LINGO2: variants seen among roughly 807,000 people sequenced by gnomAD.
LINGO2 encodes the protein leucine-rich repeat and immunoglobulin-like domain-containing nogo receptor-interacting protein 2.
Under a neutral mutation model 30.6 loss-of-function variants are expected in LINGO2, and 14 were observed. That is an observed-to-expected ratio of 0.46 (90% CI 0.30 to 0.72). LINGO2 has a LOEUF of 0.72. Ranked by LOEUF, LINGO2 falls within the 30% of genes least tolerant of loss-of-function variation. The pLI is 0.07. For synonymous variants in LINGO2, 317 were observed against 288.5 expected, an observed-to-expected ratio of 1.10 and a Z score of -1.00; for missense variants, 729 against 751.7, an observed-to-expected ratio of 0.97 and a Z score of 0.35.
the LINGO2 span, among the ~76,000 whole-genome samples, chr9:28,868,045 A>G: frequency 6.6e-6 from 1 of 152,130 alleles, no homozygotes; most frequent in African/African-American, 2.4e-5. Flanking sequence ...ATTTATACAA[A>G]AATAGATAAT....
chr9:28,748,406 T>C, the LINGO2 span, among the ~76,000 whole-genome samples: 44 of 130,292 alleles, frequency 3.4e-4, 1 homozygote, highest in South Asian at 0.011. Context: ...TCTAACAACT[T>C]CTTAAAAAAG....
intron 1 of LINGO2, among the ~76,000 whole-genome samples, chr9:28,558,465 A>G (rs922945047): frequency 5.9e-5 from 9 of 152,048 alleles, no homozygotes; most frequent in Admixed American, 5.3e-4. Context: ...CCTCCAGGCC[A>G]GAGAACCTGT....
the LINGO2 span, among the ~76,000 whole-genome samples, chr9:29,129,916 C>A: frequency 6.6e-6 from 1 of 151,940 alleles, no homozygotes; most frequent in Non-Finnish European, 1.5e-5. Context: ...GTCAGAAAGT[C>A]CAAGCATGTT....
the LINGO2 span, among the ~76,000 whole-genome samples, chr9:29,065,416 G>A: frequency 1.3e-5 from 2 of 152,040 alleles, no homozygotes; most frequent in East Asian, 3.9e-4. Context: ...TTACATTTAA[G>A]TCTTTAAACC....
At chr9:28,863,305 G>C in the LINGO2 span, among the ~76,000 whole-genome samples, 1 of 151,800 alleles carries the variant, frequency 6.6e-6, no homozygotes, top group Non-Finnish European at 1.5e-5. Context: ...GGATTTAAGG[G>C]GCTGATTCAA....
rs751607337 is a variant in LINGO2 at position 28,275,003 on chromosome 9, A to C, written c.-87+20205T>G. 2.6e-5 allele frequency among the ~76,000 whole-genome samples: 4 copies of C among 151,944 alleles called. 1 individual carries two copies. Among genetic ancestry groups the C allele is most frequent in the Non-Finnish European group, 5.9e-5 (4 of 67,994 alleles). ...ATTTCCTGTCAGTATGAGTATCTTC[A>C]CCTCCGTCTTAAGTCATGTCTGTTT... On this transcript the variant is annotated intron_variant, in intron 4 of 5. Transcript: ENST00000379992.
At chr9:28,090,565 C>G (rs1826050006) in intron 4 of LINGO2, among the ~76,000 whole-genome samples, 1 of 152,092 alleles carries the variant, frequency 6.6e-6, no homozygotes, top group Admixed American at 6.6e-5. Context: ...GGACGTATCA[C>G]AAAATAATAA....
At chr9:28,024,247 T>A (rs1823270814) in intron 4 of LINGO2, among the ~76,000 whole-genome samples, 1 of 152,036 alleles carries the variant, frequency 6.6e-6, no homozygotes, top group Admixed American at 6.6e-5. Flanking sequence ...CTTCCTACAG[T>A]TGTGAAGGTT....
chr9:28,416,203 A>T (rs1446139232), intron 2 of LINGO2, among the ~76,000 whole-genome samples: 2 of 152,160 alleles, frequency 1.3e-5, no homozygotes, highest in Non-Finnish European at 2.9e-5. Flanking sequence ...TAAAGCCAGA[A>T]AATTATACTC....
chr9:27,997,397 C>A (rs183614330), intron 5 of LINGO2, among the ~76,000 whole-genome samples: 3 of 152,166 alleles, frequency 2.0e-5, no homozygotes, highest in South Asian at 4.1e-4. Context: ...TGTGCTCCCC[C>A]CTCCCCCCGT....
At chr9:28,263,607 T>C (rs1822642589) in intron 4 of LINGO2, among the ~76,000 whole-genome samples, 1 of 151,998 alleles carries the variant, frequency 6.6e-6, no homozygotes, top group Non-Finnish European at 1.5e-5. Context: ...TTTATTTCTC[T>C]CAAAAGTATT....
the LINGO2 span, among the ~76,000 whole-genome samples, chr9:28,768,613 G>GACACACACACACAC: frequency 1.4e-5 from 2 of 144,510 alleles, no homozygotes; most frequent in South Asian, 2.3e-4. Flanking sequence ...GACAGACTGG[G>GACACACACACACAC]ACACACACAC....
chr9:28,275,212 G>A (rs1225341301), intron 4 of LINGO2, among the ~76,000 whole-genome samples: 1 of 151,930 alleles, frequency 6.6e-6, no homozygotes, highest in African/African-American at 2.4e-5. Context: ...GGGACTACAG[G>A]CACCCGCCAC....
intron 2 of LINGO2, among the ~76,000 whole-genome samples, chr9:28,454,648 C>A (rs1433849266): frequency 6.6e-6 from 1 of 151,664 alleles, no homozygotes; most frequent in East Asian, 1.9e-4. Context: ...ATTGAAACTG[C>A]AAGATAAAGA....
the LINGO2 span, among the ~76,000 whole-genome samples, chr9:28,846,717 C>A: frequency 1.4e-5 from 2 of 147,782 alleles, no homozygotes; most frequent in Admixed American, 1.3e-4. Context: ...TGGGCCCAAT[C>A]TTCTTCCCTA....
intron 5 of LINGO2, among the ~76,000 whole-genome samples, chr9:27,987,963 A>G (rs1197120586): frequency 6.6e-6 from 1 of 151,948 alleles, no homozygotes; most frequent in African/African-American, 2.4e-5. Flanking sequence ...TTAACTCGTC[A>G]TTTATATTAG....
chr9:28,697,157 A>T, the LINGO2 span, among the ~76,000 whole-genome samples: 1 of 151,936 alleles, frequency 6.6e-6, no homozygotes, highest in Non-Finnish European at 1.5e-5. Context: ...ACTCCATGGG[A>T]ACTCACAAGG....
intron 4 of LINGO2, among the ~76,000 whole-genome samples, chr9:28,192,426 A>C (rs1819855229): frequency 6.6e-6 from 1 of 152,122 alleles, no homozygotes; most frequent in South Asian, 2.1e-4. Flanking sequence ...AATAAATTTC[A>C]AATCACTGAT....
the LINGO2 span, among the ~76,000 whole-genome samples, chr9:29,078,566 G>A: frequency 9.9e-5 from 15 of 151,992 alleles, no homozygotes; most frequent in Admixed American, 4.6e-4. Context: ...TATGGTTTTC[G>A]GGAAATAAGA....
Sources: allele counts gnomAD v4.1 joint callset (sites outside exome capture counted in the v4.1 genomes callset), GRCh38; gene constraint gnomAD v4.1.1; transcripts MANE v1.5; gene names NCBI Gene and HGNC (gene_info 2026-07-23, HGNC 2026-07-21).